TCF21: variants seen among roughly 807,000 people sequenced by gnomAD.
The protein encoded by TCF21 is transcription factor 21.
In TCF21, 3 loss-of-function variants were observed where a neutral mutation model predicts 13.5. That is an observed-to-expected ratio of 0.22 (90% CI 0.10 to 0.57). The LOEUF is 0.57. Ranked by LOEUF, TCF21 falls within the 20% of genes least tolerant of loss-of-function variation. TCF21 has a pLI of 0.92. For synonymous variants in TCF21, 92 were observed against 101.7 expected (o/e 0.90, Z 0.57); for missense variants, 181 against 238.4 (o/e 0.76, Z 1.59).
At chr6:133,890,957 C>A (rs1266970834) in intron 1 of TCF21, among the ~76,000 whole-genome samples, 1 of 152,188 alleles carries the variant, frequency 6.6e-6, no homozygotes, top group African/African-American at 2.4e-5. Context: ...AAAATCTCCA[C>A]CTAAAATGAA....
chr6:133,894,528 C>T (rs1438339799), downstream of TCF21: 1 of 152,376 alleles, frequency 6.6e-6, no homozygotes, highest in African/African-American at 2.4e-5. Flanking sequence ...GACAACGTGA[C>T]CACACCACAC....
At chr6:133,895,430 T>C (rs1306580651), downstream of TCF21, 2 of 152,358 alleles carry the variant, frequency 1.3e-5, no homozygotes, top group East Asian at 3.9e-4. Flanking sequence ...TGGACTCTAA[T>C]TTAGTTTAAT....
intron 1 of TCF21, 68 bp from the exon 2 acceptor site, chr6:133,891,645 A>T: frequency 8.5e-7 from 1 of 1,174,432 alleles, no homozygotes. Flanking sequence ...CTTTCATCTC[A>T]GGCCCCGAGT....
chr6:133,892,406 T>C (rs1032404321), downstream of TCF21: 2 of 152,278 alleles, frequency 1.3e-5, no homozygotes, highest in Non-Finnish European at 2.9e-5. Flanking sequence ...ATAATGAAGA[T>C]GCAGATTATG....
At chr6:133,891,075 TC>T (rs2114563216) in intron 1 of TCF21, among the ~76,000 whole-genome samples, 2 of 152,360 alleles carry the variant, frequency 1.3e-5, no homozygotes, top group South Asian at 4.1e-4. Flanking sequence ...AAGCATACTT[TC>T]TCAGTCCAGC....
At chr6:133,893,205 C>T (rs1468826122), downstream of TCF21, 2 of 152,274 alleles carry the variant, frequency 1.3e-5, no homozygotes, top group Non-Finnish European at 2.9e-5. Flanking sequence ...CCCCACAGGC[C>T]GCTTCGCGGG....
intron 1 of TCF21, among the ~76,000 whole-genome samples, chr6:133,890,561 C>A (rs1475839638): frequency 6.6e-6 from 1 of 152,122 alleles, no homozygotes; most frequent in Non-Finnish European, 1.5e-5. Flanking sequence ...AAGTAATGCC[C>A]ATTGAGCCTA....
At chr6:133,890,462 TC>T (rs1462534495) in intron 1 of TCF21, among the ~76,000 whole-genome samples, 3 of 152,134 alleles carry the variant, frequency 2.0e-5, no homozygotes, top group African/African-American at 7.2e-5. Context: ...ATCAGCAAAA[TC>T]AGTAAATCCT....
Position 133,891,746 on chromosome 6 carries a change from A to G in TCF21, c.484A>G (p.Ser162Gly). 6.2e-7 allele frequency: 1 copy of G among 1,613,534 alleles called. No individual in the cohort carries two copies. Among genetic ancestry groups the G allele is most frequent in the Non-Finnish European group, 8.5e-7 (1 of 1,179,884 alleles). ...CTTTATGGTGGCCGGGAAACCCGAG[A>G]GTGACCTGAAAGAAGTGGTGACCGC... is the stretch of plus-strand genomic sequence containing the variant. ...WPFMVAGKPE[S>G]DLKEVVTASR... Residue 162 changes from serine (S) to glycine (G), a missense_variant, in exon 2 of 2, where the codon AGT becomes GGT. Physicochemically the swap from Ser to Gly is moderately conservative, Grantham distance 56 (BLOSUM62 0). Around this residue, in one of 3 missense-constraint regions of TCF21, gnomAD observed 55 missense variants for 59.5 expected, o/e 0.92. Coordinates refer to ENST00000367882, the MANE Select transcript of TCF21 (RefSeq NM_003206.4).
At chr6:133,894,185 T>C (rs1775266009), downstream of TCF21, 1 of 152,180 alleles carries the variant, frequency 6.6e-6, no homozygotes, top group Non-Finnish European at 1.5e-5. Context: ...CAGGCAATGA[T>C]CTTTTTTTTT....
At chr6:133,890,515 A>AT (rs1775194880) in intron 1 of TCF21, among the ~76,000 whole-genome samples, 1 of 152,224 alleles carries the variant, frequency 6.6e-6, no homozygotes, top group Admixed American at 6.5e-5. Context: ...GGTCACTCTC[A>AT]CCCAAGATTT....
rs1775166559 is a variant in TCF21 at position 133,889,404 on chromosome 6, A to C, written c.7A>C (p.Thr3Pro). The C allele has an allele frequency of 1.2e-6, 2 of 1,613,556 alleles. No homozygotes were observed. Among genetic ancestry groups the C allele is most frequent in the Non-Finnish European group, 1.7e-6 (2 of 1,179,896 alleles). Residue 3 changes from threonine to proline, a missense_variant, in exon 1 of 2, where the codon ACC becomes CCC. Thr to Pro is a conservative substitution (Grantham distance 38). Around this residue, in one of 3 missense-constraint regions of TCF21, gnomAD observed 91 missense variants for 98.5 expected, o/e 0.92. Coordinates refer to ENST00000367882, the MANE Select transcript of TCF21 (RefSeq NM_003206.4). The surrounding 1 kb of genome is among the most constrained non-coding windows in gnomAD (Gnocchi z 5.1). MSTGSLSDVEDLQ... is the reference protein window; with the variant it reads MSPGSLSDVEDLQ... ...CTCGTCCACTCCCCCAAACATGTCC[A>C]CCGGCTCCCTCAGCGATGTGGAGGA...
chr6:133,894,075 G>A (rs1348112909), downstream of TCF21: 1 of 152,196 alleles, frequency 6.6e-6, no homozygotes, highest in Non-Finnish European at 1.5e-5. Flanking sequence ...GAAAATGTCA[G>A]TTACTTTTAC....
In TCF21 at chr6:133,892,029, C is replaced by G. The variant is rs1002113672; in HGVS notation, c.*227C>G. Reference sequence around the variant, plus strand: ...TCTATTTAACTTTATTAACTTCTACCGTGAATGACTCTGCAAGCCTTGCTG... The same window carrying G: ...TCTATTTAACTTTATTAACTTCTACGGTGAATGACTCTGCAAGCCTTGCTG... On this transcript the variant is annotated 3_prime_UTR_variant, in exon 2 of 2. Coordinates refer to ENST00000367882, the MANE Select transcript of TCF21 (RefSeq NM_003206.4). The G allele has an allele frequency of 1.2e-5, 6 of 508,806 alleles. No individual in the cohort carries two copies. Among genetic ancestry groups the G allele is most frequent in the Non-Finnish European group, 1.8e-5 (5 of 283,454 alleles). The allele number at this position is 508,806 out of a possible 1,614,324, so 31.5% of individuals were successfully genotyped here.
In TCF21 at chr6:133,889,393, C is replaced by G. The variant is rs906650649; in HGVS notation, c.-5C>G. 1.2e-6 allele frequency: 2 copies of G among 1,613,828 alleles called. No individual in the cohort carries two copies. Among genetic ancestry groups the G allele is most frequent in the Admixed American group, 3.3e-5 (2 of 60,024 alleles). ...TCTCTCTCTCCCTCGTCCACTCCCC[C>G]AAACATGTCCACCGGCTCCCTCAGC... On this transcript the variant is annotated 5_prime_UTR_variant, in exon 1 of 2. Coordinates refer to ENST00000367882, the MANE Select transcript of TCF21 (RefSeq NM_003206.4). The surrounding 1 kb of genome is among the most constrained non-coding windows in gnomAD (Gnocchi z 5.1).
chr6:133,893,961 T>C (rs955451345), downstream of TCF21: 3 of 152,194 alleles, frequency 2.0e-5, no homozygotes, highest in South Asian at 4.1e-4. Context: ...ATGAGAATGA[T>C]AATAATCATT....
chr6:133,891,525 G>A (rs1775216501), intron 1 of TCF21, among the ~76,000 whole-genome samples, 188 bp from the exon 2 acceptor site: 2 of 152,188 alleles, frequency 1.3e-5, no homozygotes, highest in Admixed American at 6.5e-5. Context: ...GTGACTTGGC[G>A]CCAAAGCAGC....
At chr6:133,891,547 T>A in intron 1 of TCF21, 166 bp from the exon 2 acceptor site, 1 of 749,696 alleles carries the variant, frequency 1.3e-6, no homozygotes. Flanking sequence ...ATTTGCTTTA[T>A]GCAGCCGCAG....
chr6:133,895,408 A>C (rs1775286175), downstream of TCF21: 1 of 152,206 alleles, frequency 6.6e-6, no homozygotes, highest in Non-Finnish European at 1.5e-5. Context: ...TTCTTAAAGA[A>C]GCTGCATATT....
Sources: gnomAD v4.1 joint callset for allele counts (sites outside exome capture counted in the v4.1 genomes callset) on GRCh38, gnomAD v4.1.1 for gene constraint, gnomAD v4.1.1 regional missense constraint, Gnocchi (gnomAD v3.1) non-coding constraint, MANE v1.5 for transcripts, NCBI Gene and HGNC (gene_info 2026-07-23, HGNC 2026-07-21) for gene names.